ASAP1: variants seen among roughly 807,000 people sequenced by gnomAD.
ASAP1 encodes arf-GAP with SH3 domain, ANK repeat and PH domain-containing protein 1.
Under a neutral mutation model 145.2 loss-of-function variants are expected in ASAP1, and 43 were observed. The ratio of observed to expected loss-of-function variants is 0.30; its 90% CI spans 0.23 to 0.38. ASAP1 has a LOEUF of 0.38. Ranked by LOEUF, ASAP1 falls within the 10% of genes least tolerant of loss-of-function variation. The pLI is 1.00. For synonymous variants in ASAP1, 546 were observed against 515.5 expected, an observed-to-expected ratio of 1.06 and a Z score of -0.80; for missense variants, 1,018 against 1,355.3, an observed-to-expected ratio of 0.75 and a Z score of 3.91.
At chr8:130,391,591 C>T (rs1038437630) in intron 2 of ASAP1, among the ~76,000 whole-genome samples, 1 of 152,164 alleles carries the variant, frequency 6.6e-6, no homozygotes, top group Admixed American at 6.5e-5. Flanking sequence ...TCCTGCTGCA[C>T]CTAGGCAGGT....
chr8:130,380,058 C>T (rs1033784027), intron 2 of ASAP1, among the ~76,000 whole-genome samples: 3 of 152,184 alleles, frequency 2.0e-5, no homozygotes, highest in African/African-American at 4.8e-5. Context: ...CAGGCCCTCT[C>T]CTCCTACTAA....
chr8:130,149,373 C>G (rs2097640797), intron 13 of ASAP1, among the ~76,000 whole-genome samples: 1 of 151,704 alleles, frequency 6.6e-6, no homozygotes, highest in African/African-American at 2.4e-5. Context: ...TTTGTTTTAA[C>G]AGATACATGA....
In ASAP1 at chr8:130,188,201, A is replaced by T. The variant is rs749219538; in HGVS notation, c.406-18T>A. The T allele has an allele frequency of 8.2e-6, 13 of 1,589,154 alleles. No individual in the cohort carries two copies. The highest frequency in any genetic ancestry group is 1.7e-4 in the Middle Eastern group (1 of 6,042). On this transcript the variant is annotated intron_variant, in intron 5 of 29. Transcript: ENST00000518721. ...CCCTGGAGCTGAAAAAGCAAAGGGAAGATGGGAGATGGTTAAAAAATAAAG... is the reference window on the plus strand; with the variant it reads ...CCCTGGAGCTGAAAAAGCAAAGGGATGATGGGAGATGGTTAAAAAATAAAG...
intron 27 of ASAP1, among the ~76,000 whole-genome samples, chr8:130,072,033 A>C (rs1196650506): frequency 6.6e-6 from 1 of 152,024 alleles, no homozygotes; most frequent in Non-Finnish European, 1.5e-5. Flanking sequence ...TACCTATCCC[A>C]AGGCAGGACT....
chr8:130,082,607 G>C (rs999457418), intron 25 of ASAP1: 1 of 149,726 alleles, frequency 6.7e-6, no homozygotes, highest in Non-Finnish European at 1.5e-5. Flanking sequence ...GGGCTCAAAT[G>C]ATCCTCCCGC....
intron 5 of ASAP1, among the ~76,000 whole-genome samples, chr8:130,204,730 T>A (rs1056580355): frequency 1.3e-5 from 2 of 152,186 alleles, no homozygotes; most frequent in Non-Finnish European, 2.9e-5. Context: ...AGTCTCTGAG[T>A]TGCTGTTGCT....
chr8:130,438,600 G>A (rs1374992487), intron 1 of ASAP1, among the ~76,000 whole-genome samples: 1 of 152,202 alleles, frequency 6.6e-6, no homozygotes, highest in Non-Finnish European at 1.5e-5. Context: ...ACGAGGCGGG[G>A]AGCTGGTAGA....
chr8:130,137,796 T>C (rs575965337), intron 13 of ASAP1, among the ~76,000 whole-genome samples: 1 of 152,202 alleles, frequency 6.6e-6, no homozygotes, highest in South Asian at 2.1e-4. Context: ...TCACGCTAAC[T>C]TAGGAAGTCT....
chr8:130,442,736 A>G, intron 1 of ASAP1, among the ~76,000 whole-genome samples: 1 of 152,162 alleles, frequency 6.6e-6, no homozygotes, highest in East Asian at 1.9e-4. Flanking sequence ...TTATTAAAGG[A>G]AACTGCTTTA....
At chr8:130,315,149 A>G (rs139312153) in intron 3 of ASAP1, among the ~76,000 whole-genome samples, 18 of 152,334 alleles carry the variant, frequency 1.2e-4, no homozygotes, top group Admixed American at 5.9e-4. Context: ...AAAATACTAC[A>G]TATCAATTGG....
At chr8:130,395,178 C>G (rs566582314) in intron 2 of ASAP1, among the ~76,000 whole-genome samples, 5 of 152,280 alleles carry the variant, frequency 3.3e-5, no homozygotes, top group South Asian at 4.1e-4. Flanking sequence ...GAGTTCCTGC[C>G]CTCAAGGTGC....
rs527382618 is a variant in ASAP1 at position 130,130,410 on chromosome 8, G to C, written c.1218-2320C>G. 2.0e-5 allele frequency among the ~76,000 whole-genome samples: 3 copies of C among 152,208 alleles called. No individual in the cohort carries two copies. In the South Asian group the frequency reaches 6.2e-4, roughly 32 times the overall value. ...TCATGACAAATAAATAAAGAAGTTT[G>C]TCATGATAATCAGAAAAAGTATATT... On this transcript the variant is annotated intron_variant, in intron 15 of 29. Transcript: ENST00000518721.
At chr8:130,259,859 T>A (rs1489511670) in intron 3 of ASAP1, among the ~76,000 whole-genome samples, 1 of 152,214 alleles carries the variant, frequency 6.6e-6, no homozygotes, top group African/African-American at 2.4e-5. Flanking sequence ...CCTTTGTGGA[T>A]AATGCTCATG....
chr8:130,347,618 G>A (rs1051671242), intron 3 of ASAP1, among the ~76,000 whole-genome samples: 19 of 152,150 alleles, frequency 1.2e-4, no homozygotes, highest in Admixed American at 8.5e-4. Flanking sequence ...CCCCCAGGCT[G>A]AAGACGAAGA....
chr8:130,326,927 C>T (rs1053552404), intron 3 of ASAP1, among the ~76,000 whole-genome samples: 3 of 152,162 alleles, frequency 2.0e-5, no homozygotes, highest in African/African-American at 7.2e-5. Context: ...CAGATTCTGG[C>T]ACACCAGACC....
chr8:130,083,584 T>C lies in ASAP1; in HGVS notation c.2573-3613A>G, dbSNP rs577129857. On this transcript the variant is annotated intron_variant, in intron 25 of 29. Coordinates refer to ENST00000518721, the MANE Select transcript of ASAP1 (RefSeq NM_018482.4). ...GTCATATATCAACTGGGAACAACCA[T>C]GGTACCTACTACCCTAGATGGGCAT... 3.3e-5 allele frequency: 5 copies of C among 152,290 alleles called. No homozygotes were observed. The East Asian group carries it at 9.7e-4, about 29-fold the overall frequency. The allele number at this position is 152,290 out of a possible 1,614,324, so 9.4% of individuals were successfully genotyped here.
rs768891057 is a variant in ASAP1, at chr8:130,225,056, C to G, written c.260-10355G>C. ...TGTATAAAAAACTGCCTATAGTAAG[C>G]CTATCTTTTTGCATTTTATTGTCCA... On this transcript the variant is annotated intron_variant, in intron 4 of 29. Transcript: ENST00000518721. Among the ~76,000 whole-genome samples the G allele has an allele frequency of 6.5e-4, 99 of 152,156 alleles. 1 individual carries two copies. Among genetic ancestry groups the G allele is most frequent in the Non-Finnish European group, 1.1e-3 (76 of 68,016 alleles).
intron 12 of ASAP1, among the ~76,000 whole-genome samples, chr8:130,157,129 G>A (rs929992064): frequency 1.3e-5 from 2 of 152,184 alleles, no homozygotes; most frequent in African/African-American, 4.8e-5. Context: ...ACAAGGAGCT[G>A]AGCCTGAGGC....
At chr8:130,318,745 T>A (rs1823822595) in intron 3 of ASAP1, among the ~76,000 whole-genome samples, 1 of 152,202 alleles carries the variant, frequency 6.6e-6, no homozygotes, top group East Asian at 1.9e-4. Context: ...TCAGTCCATG[T>A]TCATCTAACT....
Sources: allele counts gnomAD v4.1 joint callset (sites outside exome capture counted in the v4.1 genomes callset), GRCh38; gene constraint gnomAD v4.1.1; transcripts MANE v1.5; gene names NCBI Gene and HGNC (gene_info 2026-07-23, HGNC 2026-07-21).